The following KCNQ1 variants were observed in gnomAD, a reference collection of about 807,000 sequenced individuals.
The protein encoded by KCNQ1 is potassium voltage-gated channel subfamily Q member 1, also known as potassium voltage-gated channel subfamily KQT member 1.
Under a neutral mutation model 72.4 loss-of-function variants are expected in KCNQ1, and 49 were observed. The ratio of observed to expected loss-of-function variants is 0.68; its 90% CI spans 0.54 to 0.86. KCNQ1 has a LOEUF of 0.86. KCNQ1 is among the 40% of genes least tolerant of loss of function. The probability of loss-of-function intolerance (pLI) is 0.00; values close to 1 mark genes in which losing one functional copy is unlikely to be tolerated. For missense variants in KCNQ1, 790 were observed against 945.1 expected (o/e 0.84, Z 2.15); for synonymous variants, 450 against 412.6 (o/e 1.09, Z -1.10).
At chr11:2,553,373 C>T (rs1470899280) in intron 2 of KCNQ1, among the ~76,000 whole-genome samples, 1 of 152,050 alleles carries the variant, frequency 6.6e-6, no homozygotes, top group Non-Finnish European at 1.5e-5. Flanking sequence ...TAATCTTTCA[C>T]CATTAGGTGT....
In KCNQ1 at chr11:2,559,960, G is replaced by A. The variant is rs1434059290; in HGVS notation, c.478-10668G>A. On this transcript the variant is annotated intron_variant, in intron 2 of 15. Transcript: ENST00000155840. The surrounding 1 kb of genome is among the most constrained non-coding windows in gnomAD (Gnocchi z 4.9). ...GGGCCAGGACCCCCAGAGTGTTCCA[G>A]TGACTTCAGAGAGGGGCAGCCAGAC... Among the ~76,000 whole-genome samples the A allele has an allele frequency of 6.6e-6, 1 of 151,658 alleles. No individual in the cohort carries two copies. The highest frequency in any genetic ancestry group is 1.5e-5 in the Non-Finnish European group (1 of 67,954).
In KCNQ1 at chr11:2,613,655, T is replaced by G. The variant is rs950693362; in HGVS notation, c.1393+24801T>G. 2.5e-6 allele frequency: 1 copy of G among 398,608 alleles called. No individual in the cohort carries two copies. Among genetic ancestry groups the G allele is most frequent in the East Asian group, 3.6e-5 (1 of 28,080 alleles). The allele number at this position is 398,608 out of a possible 1,614,324, so 24.7% of individuals were successfully genotyped here. A position where few individuals can be genotyped will look rare whatever the true frequency, so the allele number is the denominator to read the frequency against. Reference sequence around the variant, plus strand: ...TCAGGGAGTGGTTATATCAAGGTGCTCATTCCACCACCTCAGAAGTGGTCC... The same window carrying G: ...TCAGGGAGTGGTTATATCAAGGTGCGCATTCCACCACCTCAGAAGTGGTCC... On this transcript the variant is annotated intron_variant, in intron 10 of 15. Transcript: ENST00000155840. The surrounding 1 kb of genome is among the most constrained non-coding windows in gnomAD (Gnocchi z 4.8).
rs1338047133 is a variant in KCNQ1 at position 2,536,081 on chromosome 11, C to T, written c.477+8063C>T. The stretch of plus-strand genomic sequence containing the variant: ...TCTGCCGAGCACACCCGCTGCTGTC[C>T]CCAGCCACCCAGCCCCATGCACAGG... On this transcript the variant is annotated intron_variant, in intron 2 of 15. Transcript: ENST00000155840. The surrounding 1 kb of genome is among the most constrained non-coding windows in gnomAD (Gnocchi z 7.4). 1.3e-5 allele frequency among the ~76,000 whole-genome samples: 2 copies of T among 152,200 alleles called. No individual in the cohort carries two copies. The highest frequency in any genetic ancestry group is 2.9e-5 in the Non-Finnish European group (2 of 68,036).
intron 15 of KCNQ1, among the ~76,000 whole-genome samples, chr11:2,793,923 A>G (rs1847081695): frequency 6.6e-6 from 1 of 152,226 alleles, no homozygotes; most frequent in South Asian, 2.1e-4. Context: ...CAGTGGAGTC[A>G]GGAGCCCAGA....
At position 2,454,845 on chromosome 11, in the gene KCNQ1, T is replaced by C. The variant is rs562773745; in HGVS notation, c.386+9361T>C. Among the ~76,000 whole-genome samples, 4 of 152,240 alleles carry C rather than the reference T, an allele frequency of 2.6e-5. No homozygotes were observed. In the East Asian group the frequency reaches 7.7e-4, roughly 29 times the overall value. ...GGGTAAAAGCGAGACACATTCCCCT[T>C]AAGAATAGGAACAAGACAAGGATGC... On this transcript the variant is annotated intron_variant, in intron 1 of 15. Coordinates refer to ENST00000155840, the MANE Select transcript of KCNQ1 (RefSeq NM_000218.3).
chr11:2,812,684 AG>A (rs1474374808), intron 15 of KCNQ1, among the ~76,000 whole-genome samples: 2 of 152,160 alleles, frequency 1.3e-5, no homozygotes, highest in Non-Finnish European at 2.9e-5. Flanking sequence ...TGCCTGCTCA[AG>A]CCCCCCATGG....
In KCNQ1 at chr11:2,608,090, T is replaced by A. The variant is rs752643513; in HGVS notation, c.1393+19236T>A. On this transcript the variant is annotated intron_variant, in intron 10 of 15. Transcript: ENST00000155840. The surrounding 1 kb of genome is among the most constrained non-coding windows in gnomAD (Gnocchi z 4.6). ...ATAAATTTTATAAGTTCTCTTTTCA[T>A]GTTTTTGTCTGGTTTTGGTGTCAGG... Among the ~76,000 whole-genome samples the A allele has an allele frequency of 6.6e-6, 1 of 152,230 alleles. No individual in the cohort carries two copies. The highest frequency in any genetic ancestry group is 6.5e-5 in the Admixed American group (1 of 15,286).
chr11:2,680,359 G>A, intron 11 of KCNQ1: 1 of 397,960 alleles, frequency 2.5e-6, no homozygotes, highest in East Asian at 3.6e-5. Flanking sequence ...AATAGAAGCA[G>A]TTTACCCACA....
At chr11:2,736,365 C>T (rs1033262669) in intron 11 of KCNQ1, among the ~76,000 whole-genome samples, 4 of 152,140 alleles carry the variant, frequency 2.6e-5, no homozygotes, top group Non-Finnish European at 4.4e-5. Flanking sequence ...CCTGGAGTGC[C>T]GAGGGCCCAG....
At chr11:2,779,841 C>T (rs910136555) in intron 15 of KCNQ1, among the ~76,000 whole-genome samples, 2 of 152,168 alleles carry the variant, frequency 1.3e-5, no homozygotes, top group Non-Finnish European at 2.9e-5. Flanking sequence ...TGCAGAGGGG[C>T]CAGCGCTGGC....
Position 2,661,627 on chromosome 11 carries a change from C to T in KCNQ1, c.1394-334C>T. 2 of 589,850 alleles carry T rather than the reference C, an allele frequency of 3.4e-6. No homozygotes were observed. The highest frequency in any genetic ancestry group is 6.0e-6 in the Non-Finnish European group (2 of 331,150). 36.5% of individuals were successfully genotyped at this position (589,850 alleles called of 1,614,324 possible). On this transcript the variant is annotated intron_variant, in intron 10 of 15. Transcript: ENST00000155840. This position sits in a 1 kb window ranked among gnomAD's most constrained non-coding sequence, Gnocchi z 5.9. ...CTGTGCCTGTCACCTCTGTTTTATTCTTGACCCAAGTGTCAGTTGTGAACA... is the reference window on the plus strand; with the variant it reads ...CTGTGCCTGTCACCTCTGTTTTATTTTTGACCCAAGTGTCAGTTGTGAACA...
At chr11:2,472,567 C>G (rs1210434274) in intron 1 of KCNQ1, among the ~76,000 whole-genome samples, 1 of 152,070 alleles carries the variant, frequency 6.6e-6, no homozygotes, top group Non-Finnish European at 1.5e-5. Flanking sequence ...GGCTGGAGTC[C>G]TGGTCTCTGT....
At chr11:2,754,667 C>T (rs1281530039) in intron 11 of KCNQ1, among the ~76,000 whole-genome samples, 1 of 152,152 alleles carries the variant, frequency 6.6e-6, no homozygotes, top group Non-Finnish European at 1.5e-5. Flanking sequence ...TAGAGTTGGG[C>T]CCCCACCTCA....
chr11:2,527,142 C>T lies in KCNQ1; in HGVS notation c.387-786C>T, dbSNP rs569267211. Among the ~76,000 whole-genome samples the T allele has an allele frequency of 2.0e-5, 3 of 152,304 alleles. No individual in the cohort carries two copies. In the South Asian group the frequency reaches 6.2e-4, roughly 32 times the overall value. Reference sequence around the variant, plus strand: ...TCTCTGCGGGCCCACAGGCCCAGAACGTTGGCCCCAGGGTGGGGCTCTGTG... The same window carrying T: ...TCTCTGCGGGCCCACAGGCCCAGAATGTTGGCCCCAGGGTGGGGCTCTGTG... On this transcript the variant is annotated intron_variant, in intron 1 of 15. Transcript: ENST00000155840.
rs1035462387 is a variant in KCNQ1, at chr11:2,612,806, A to AT, written c.1393+23960dup. On this transcript the variant is annotated intron_variant, in intron 10 of 15. Coordinates refer to ENST00000155840, the MANE Select transcript of KCNQ1 (RefSeq NM_000218.3). The surrounding 1 kb of genome is among the most constrained non-coding windows in gnomAD (Gnocchi z 5.5). ...AATTTTCTGTTTCTTTGCATATCTC[A>AT]TTTTTTTTGTTAAAAACTTACTTTA... 465 of 398,128 alleles carry AT rather than the reference A, an allele frequency of 1.2e-3. 6 individuals are homozygous for AT. In the East Asian group the frequency reaches 0.015, roughly 13 times the overall value. The allele number at this position is 398,128 out of a possible 1,614,324, so 24.7% of individuals were successfully genotyped here.
At chr11:2,697,958 A>T (rs1775162895) in intron 11 of KCNQ1, 2 of 398,538 alleles carry the variant, frequency 5.0e-6, no homozygotes, top group African/African-American at 2.1e-5. Flanking sequence ...AAATACACCC[A>T]TAATCAAGCA....
intron 6 of KCNQ1, among the ~76,000 whole-genome samples, chr11:2,576,706 G>A (rs1437120181): frequency 6.6e-6 from 1 of 152,264 alleles, no homozygotes; most frequent in Non-Finnish European, 1.5e-5. Flanking sequence ...AAGGCCAGAA[G>A]GGGCTGGGGG....
chr11:2,809,418 C>T lies in KCNQ1; in HGVS notation c.1794+31381C>T, dbSNP rs1457732576. ...GCCCCCGCAGCCTCCTGGTGCAGCA[C>T]GTGTTCATTTATGGGTTGTTGTTAC... On this transcript the variant is annotated intron_variant, in intron 15 of 15. Coordinates refer to ENST00000155840, the MANE Select transcript of KCNQ1 (RefSeq NM_000218.3). The surrounding 1 kb of genome is among the most constrained non-coding windows in gnomAD (Gnocchi z 7.1). 6.6e-6 allele frequency among the ~76,000 whole-genome samples: 1 copy of T among 152,134 alleles called. No individual in the cohort carries two copies. Among genetic ancestry groups the T allele is most frequent in the African/African-American group, 2.4e-5 (1 of 41,424 alleles).
rs1275547659 is a variant in KCNQ1 at position 2,813,337 on chromosome 11, C to T, written c.1795-34430C>T. ...AGGGCATCTGCCCTGTGTCCTCATG[C>T]ACCTCCATTCAGGGAACCTGGGCTC... On this transcript the variant is annotated intron_variant, in intron 15 of 15. Coordinates refer to ENST00000155840, the MANE Select transcript of KCNQ1 (RefSeq NM_000218.3). The surrounding 1 kb of genome is among the most constrained non-coding windows in gnomAD (Gnocchi z 4.4). 6.6e-6 allele frequency among the ~76,000 whole-genome samples: 1 copy of T among 152,200 alleles called. No homozygotes were observed. The highest frequency in any genetic ancestry group is 2.4e-5 in the African/African-American group (1 of 41,450).
Sources: allele counts gnomAD v4.1 joint callset (sites outside exome capture counted in the v4.1 genomes callset), GRCh38; gene constraint gnomAD v4.1.1; non-coding constraint Gnocchi (gnomAD v3.1); transcripts MANE v1.5; gene names NCBI Gene and HGNC (gene_info 2026-07-23, HGNC 2026-07-21).